BMP8A: variants seen among roughly 807,000 people sequenced by gnomAD.
The protein encoded by BMP8A is bone morphogenetic protein 8a.
Under a neutral mutation model 36.8 loss-of-function variants are expected in BMP8A, and 14 were observed. The ratio of observed to expected loss-of-function variants is 0.38; its 90% confidence interval spans 0.25 to 0.60. The LOEUF (loss-of-function observed/expected upper bound fraction) is 0.60. Among genes scored for constraint, BMP8A ranks in the 20% least tolerant of loss-of-function variants. The probability of loss-of-function intolerance (pLI) is 0.63; values close to 1 mark genes in which losing one functional copy is unlikely to be tolerated. For synonymous variants in BMP8A, 120 were observed against 237.7 expected (o/e 0.50, Z 4.55); for missense variants, 267 against 551.1 (o/e 0.48, Z 5.16).
chr1:39,517,874 C>A (rs1254904239), intron 3 of BMP8A, among the ~76,000 whole-genome samples: 1 of 152,284 alleles, frequency 6.6e-6, no homozygotes, highest in Non-Finnish European at 1.5e-5. Flanking sequence ...TGGCCAAAGG[C>A]TACAGCCTAG....
chr1:39,525,532 C>T, intron 6 of BMP8A, 117 bp from the exon 7 acceptor site: 1 of 1,335,938 alleles, frequency 7.5e-7, no homozygotes, highest in Non-Finnish European at 1.0e-6. Context: ...TTGTGCTGCT[C>T]CCATGTGGCT....
At chr1:39,493,253 G>A (rs936595644) in intron 1 of BMP8A, among the ~76,000 whole-genome samples, 3 of 152,188 alleles carry the variant, frequency 2.0e-5, no homozygotes, top group African/African-American at 7.2e-5. Flanking sequence ...CCAGCCACCA[G>A]CCTCCCTCCA....
intron 1 of BMP8A, among the ~76,000 whole-genome samples, chr1:39,509,052 T>C (rs561791076): frequency 6.6e-6 from 1 of 152,284 alleles, no homozygotes; most frequent in African/African-American, 2.4e-5. Context: ...CTGATGGGTT[T>C]GTGGGCTGTT....
At chr1:39,499,701 G>A (rs1226294222) in intron 1 of BMP8A, among the ~76,000 whole-genome samples, 2 of 152,166 alleles carry the variant, frequency 1.3e-5, no homozygotes, top group Non-Finnish European at 2.9e-5. Context: ...GAGGCTGAGG[G>A]CTCTCTGATT....
At chr1:39,525,471 C>T (rs539562087) in intron 6 of BMP8A, among the ~76,000 whole-genome samples, 178 bp from the exon 7 acceptor site, 94 of 152,256 alleles carry the variant, frequency 6.2e-4, no homozygotes, top group Non-Finnish European at 1.3e-3. Context: ...CCACAGCTCC[C>T]GCTCCCAGAG....
chr1:39,505,507 G>T (rs1327703265), intron 1 of BMP8A, among the ~76,000 whole-genome samples: 3 of 152,134 alleles, frequency 2.0e-5, no homozygotes, highest in Non-Finnish European at 4.4e-5. Context: ...TCTTAGTACA[G>T]ATCAAAATGG....
At chr1:39,516,764 C>T (rs906691937) in intron 3 of BMP8A, among the ~76,000 whole-genome samples, 1 of 152,020 alleles carries the variant, frequency 6.6e-6, no homozygotes, top group African/African-American at 2.4e-5. Context: ...TTACACAGAG[C>T]GTGCACAGCT....
chr1:39,510,559 G>T (rs1042935826), intron 1 of BMP8A, among the ~76,000 whole-genome samples: 1 of 149,910 alleles, frequency 6.7e-6, no homozygotes, highest in African/African-American at 2.5e-5. Flanking sequence ...CCTCTGCTCT[G>T]GCCCTCTGCC....
chr1:39,496,766 C>T (rs1386308156), intron 1 of BMP8A, among the ~76,000 whole-genome samples: 10 of 152,174 alleles, frequency 6.6e-5, no homozygotes, highest in Admixed American at 4.6e-4. Context: ...GCCAGGTCCC[C>T]GCCTATCATT....
rs783831 is a variant in BMP8A, at chr1:39,514,910, A to T, written c.673+3006A>T. ...CTCTGTGACGCGCGGCCCGAGGCGC[A>T]CGCAGGGCTCACACCACTTGTCCTG... On this transcript the variant is annotated intron_variant, in intron 3 of 6. Coordinates refer to ENST00000331593, the MANE Select transcript of BMP8A (RefSeq NM_181809.4). The T allele has an allele frequency of 0.014, 19,785 of 1,424,954 alleles. 2,895 individuals carry two copies. The African/African-American group carries it at 0.29, about 21-fold the overall frequency. The allele number at this position is 1,424,954 out of a possible 1,614,324, so 88.3% of individuals were successfully genotyped here.
At chr1:39,493,580 A>T (rs527264173) in intron 1 of BMP8A, among the ~76,000 whole-genome samples, 1 of 151,962 alleles carries the variant, frequency 6.6e-6, no homozygotes, top group Non-Finnish European at 1.5e-5. Flanking sequence ...CCTACACTAG[A>T]GCAGAAGAGG....
In BMP8A at chr1:39,523,007, G is replaced by C. The variant is rs749049576; in HGVS notation, c.949G>C (p.Asp317His). 2.5e-6 allele frequency: 4 copies of C among 1,606,962 alleles called. No homozygotes were observed. The South Asian group carries it at 3.3e-5, about 13-fold the overall frequency. The change falls in exon 6 of 7, where the codon GAC becomes CAC. Residue 317 changes from aspartate to histidine, a missense_variant and splice_region_variant. By Grantham distance (81) the Asp-to-His change is moderately conservative. Around this residue, in one of 7 missense-constraint regions of BMP8A, gnomAD observed 132 missense variants for 151.3 expected, o/e 0.87. Transcript: ENST00000331593. ...ACTCACCTTCTCCCTTGCCCCCCAG[G>C]ACTGGGTCATCGCCCCCCAAGGCTA... is the stretch of plus-strand genomic sequence containing the variant. ...YVSFQDLGWL[D>H]WVIAPQGYSA...
At position 39,527,000 on chromosome 1, in the gene BMP8A, C is replaced by G. The variant is rs545344289; in HGVS notation, c.*1202C>G. 1.3e-5 allele frequency among the ~76,000 whole-genome samples: 2 copies of G among 152,356 alleles called. No individual in the cohort carries two copies. The highest frequency in any genetic ancestry group is 2.4e-5 in the African/African-American group (1 of 41,580). ...ATTGTCAATAAGACCTCAGTTCCCC[C>G]TCCTGCCCCACTGCAGAGCAATCCA... On this transcript the variant is annotated 3_prime_UTR_variant, in exon 7 of 7. Transcript: ENST00000331593.
chr1:39,517,364 A>G (rs1165685010), intron 3 of BMP8A, among the ~76,000 whole-genome samples: 2 of 151,808 alleles, frequency 1.3e-5, no homozygotes, highest in Non-Finnish European at 2.9e-5. Context: ...TATCTAGGCT[A>G]GAGTACAGTG....
chr1:39,495,270 C>T (rs1282749864), intron 1 of BMP8A, among the ~76,000 whole-genome samples: 1 of 152,212 alleles, frequency 6.6e-6, no homozygotes, highest in East Asian at 1.9e-4. Flanking sequence ...ACCCAGAGGG[C>T]GGGGCTCTCG....
At chr1:39,512,471 TG>T in intron 3 of BMP8A, among the ~76,000 whole-genome samples, 1 of 66,648 alleles carries the variant, frequency 1.5e-5, no homozygotes, top group African/African-American at 6.3e-5. Flanking sequence ...CAGGGCCAGG[TG>T]CTGGGGTTCT....
At chr1:39,502,869 C>A (rs909798427) in intron 1 of BMP8A, among the ~76,000 whole-genome samples, 1 of 152,112 alleles carries the variant, frequency 6.6e-6, no homozygotes, top group African/African-American at 2.4e-5. Flanking sequence ...TATGGTGAAA[C>A]CTTGTCTCTA....
At chr1:39,505,743 A>G (rs1433943255) in intron 1 of BMP8A, among the ~76,000 whole-genome samples, 1 of 152,208 alleles carries the variant, frequency 6.6e-6, no homozygotes, top group African/African-American at 2.4e-5. Context: ...GCACTCTGGA[A>G]GGCCAAGGCA....
chr1:39,506,128 A>AAAAAGGATATTAGTAGGACAGTTAG lies in BMP8A; in HGVS notation c.335-5045_335-5021dup, dbSNP rs1309685593. 6.6e-5 allele frequency among the ~76,000 whole-genome samples: 10 copies of AAAAAGGATATTAGTAGGACAGTTAG among 152,218 alleles called. No individual in the cohort carries two copies. The South Asian group carries it at 8.3e-4, about 13-fold the overall frequency. ...GGGTCCTAGATTGAATTCTTGACAGAAAAAGGATATTAGTAGGACAGTTAG... is the reference window on the plus strand; with the variant it reads ...GGGTCCTAGATTGAATTCTTGACAGAAAAAGGATATTAGTAGGACAGTTAGAAAAGGATATTAGTAGGACAGTTAG... On this transcript the variant is annotated intron_variant, in intron 1 of 6. Transcript: ENST00000331593.
Sources: allele counts gnomAD v4.1 joint callset (sites outside exome capture counted in the v4.1 genomes callset), GRCh38; gene constraint gnomAD v4.1.1; regional missense constraint gnomAD v4.1.1; transcripts MANE v1.5; gene names NCBI Gene and HGNC (gene_info 2026-07-23, HGNC 2026-07-21).